Variants in TSPEAR observed in about 807,000 individuals in gnomAD.
TSPEAR encodes the protein thrombospondin-type laminin G domain and EAR repeat-containing protein.
A neutral mutation model predicts 71.6 loss-of-function variants in TSPEAR; 69 were observed. The observed-to-expected ratio is 0.96, with a 90% CI of 0.79 to 1.18. The LOEUF is 1.18. Among genes scored for constraint, TSPEAR ranks in the 50% most tolerant of loss-of-function variants. The probability of loss-of-function intolerance (pLI) is 0.00; values close to 1 mark genes in which losing one functional copy is unlikely to be tolerated. For missense variants in TSPEAR, 971 were observed against 894.9 expected (o/e 1.09, Z -1.09); for synonymous variants, 402 against 387.2 (o/e 1.04, Z -0.45).
At chr21:44,513,939 G>T (rs2052475781) in intron 9 of TSPEAR, among the ~76,000 whole-genome samples, 1 of 152,152 alleles carries the variant, frequency 6.6e-6, no homozygotes, top group Non-Finnish European at 1.5e-5. Context: ...GATGACAGGT[G>T]ACTCCCTTGA....
intron 1 of TSPEAR, among the ~76,000 whole-genome samples, chr21:44,649,311 G>A (rs906656719): frequency 6.6e-6 from 1 of 152,194 alleles, no homozygotes; most frequent in African/African-American, 2.4e-5. Flanking sequence ...GGTCTGTGGA[G>A]GAGGCCTTCT....
At chr21:44,580,832 G>T (rs1978924238) in intron 1 of TSPEAR, among the ~76,000 whole-genome samples, 1 of 152,088 alleles carries the variant, frequency 6.6e-6, no homozygotes, top group Non-Finnish European at 1.5e-5. Context: ...TTGTGTGTAT[G>T]TTGCAGGGCC....
intron 2 of TSPEAR, among the ~76,000 whole-genome samples, chr21:44,543,637 G>T (rs1345837368): frequency 6.6e-6 from 1 of 152,208 alleles, no homozygotes; most frequent in Non-Finnish European, 1.5e-5. Flanking sequence ...GGAGAAGGAA[G>T]TTCAGACATA....
intron 1 of TSPEAR, among the ~76,000 whole-genome samples, chr21:44,708,188 C>A (rs970301363): frequency 6.6e-6 from 1 of 152,140 alleles, no homozygotes; most frequent in African/African-American, 2.4e-5. Context: ...CCTCCCCCAG[C>A]CCCCAGCAGG....
chr21:44,556,087 AAGAAGTCGTGCCGGGCACGGTGG>A (rs1555919728), intron 2 of TSPEAR, among the ~76,000 whole-genome samples: 2 of 152,234 alleles, frequency 1.3e-5, no homozygotes, highest in African/African-American at 4.8e-5. Flanking sequence ...CTTAAGAATT[AAGAAGTCGTGCCGGGCACGGTGG>A]CTCACGCTTG....
chr21:44,515,732 G>A (rs1395284206), intron 9 of TSPEAR: 4 of 152,186 alleles, frequency 2.6e-5, no homozygotes, highest in Non-Finnish European at 4.4e-5. Context: ...CACATCACCC[G>A]TGACAGAAGC....
In TSPEAR at chr21:44,522,026, C is replaced by T. The variant is rs782056388; in HGVS notation, c.1423G>A (p.Gly475Ser). 3.9e-5 allele frequency: 63 copies of T among 1,614,114 alleles called. No individual in the cohort carries two copies. Among genetic ancestry groups the T allele is most frequent in the Middle Eastern group, 1.6e-4 (1 of 6,062 alleles). ...CTGAAGAACTCCCAGTCGTAGGCGC[C>T]GGAGGTGGCGATGGTCTGGTTGGCC... ...FEANQTIATS[G>S]AYDWEFFSVG... is the part of the protein sequence containing the mutation. Residue 475 changes from glycine to serine, a missense_variant, in exon 9 of 12, where the codon GGC (glycine) becomes AGC (serine). Transcript: ENST00000323084.
intron 1 of TSPEAR, among the ~76,000 whole-genome samples, chr21:44,585,483 C>T (rs1203627871): frequency 6.6e-6 from 1 of 152,124 alleles, no homozygotes; most frequent in African/African-American, 2.4e-5. Flanking sequence ...TTCTTGGCTT[C>T]TCTCCCCACT....
intron 1 of TSPEAR, chr21:44,579,727 A>C (rs781926044): frequency 1.9e-5 from 31 of 1,590,268 alleles, no homozygotes; most frequent in Admixed American, 6.8e-5. Context: ...GGGGATGTGC[A>C]CATCAGCAAC....
intron 1 of TSPEAR, among the ~76,000 whole-genome samples, chr21:44,610,063 G>C (rs1386075821): frequency 6.6e-6 from 1 of 152,226 alleles, no homozygotes; most frequent in Non-Finnish European, 1.5e-5. Flanking sequence ...GCATGCCAGA[G>C]AGAGGGGGGT....
intron 1 of TSPEAR, among the ~76,000 whole-genome samples, chr21:44,679,882 C>A (rs1986497472): frequency 1.3e-5 from 2 of 152,122 alleles, no homozygotes; most frequent in Non-Finnish European, 2.9e-5. Flanking sequence ...ATACAGAAAT[C>A]AACTCAAGAT....
At chr21:44,651,161 G>A (rs1984765490) in intron 1 of TSPEAR, among the ~76,000 whole-genome samples, 1 of 152,198 alleles carries the variant, frequency 6.6e-6, no homozygotes, top group African/African-American at 2.4e-5. Context: ...GCCACGAGCG[G>A]GAGAGTGAGG....
chr21:44,644,346 C>T (rs1984187225), intron 1 of TSPEAR, among the ~76,000 whole-genome samples: 1 of 152,212 alleles, frequency 6.6e-6, no homozygotes, highest in African/African-American at 2.4e-5. Flanking sequence ...GACTTCCTGG[C>T]TTTCCTATCA....
chr21:44,579,944 G>A (rs1291691761), intron 1 of TSPEAR: 1 of 1,614,030 alleles, frequency 6.2e-7, no homozygotes, highest in East Asian at 2.2e-5. Context: ...GCAGCAGGAG[G>A]TGGTGCAGCA....
In TSPEAR at chr21:44,504,946, C is replaced by T. The variant is rs116010830; in HGVS notation, c.1755-65G>A. 1,020 of 1,312,874 alleles carry T rather than the reference C, an allele frequency of 7.8e-4. 4 individuals are homozygous for T. The African/African-American group carries it at 0.014, about 18-fold the overall frequency. 81.3% of individuals were successfully genotyped at this position (1,312,874 alleles called of 1,614,324 possible). On this transcript the variant is annotated intron_variant, in intron 10 of 11. Transcript: ENST00000323084. ...ATCGCCAGGGAACTGGGGGATTGGC[C>T]AGAAGCTACCTCCAAAATTTATAGA...
intron 1 of TSPEAR, among the ~76,000 whole-genome samples, chr21:44,707,302 T>TGG (rs781918079): frequency 0.25 from 33,583 of 134,586 alleles, 4,726 homozygotes; most frequent in African/African-American, 0.3. Flanking sequence ...GGACGCGGGG[T>TGG]GGGGGGGGGT....
chr21:44,686,956 T>C (rs1169737652), intron 1 of TSPEAR, among the ~76,000 whole-genome samples: 1 of 152,188 alleles, frequency 6.6e-6, no homozygotes, highest in African/African-American at 2.4e-5. Flanking sequence ...AGCTTGACCC[T>C]GGGATGTCGG....
At chr21:44,509,678 G>T in intron 9 of TSPEAR, 1 of 369,302 alleles carries the variant, frequency 2.7e-6, no homozygotes, top group Non-Finnish European at 5.0e-6. Flanking sequence ...TGCCCGCTGT[G>T]CTCCAGGTGC....
At chr21:44,538,556 C>T (rs587711839) in intron 2 of TSPEAR, among the ~76,000 whole-genome samples, 11 of 151,064 alleles carry the variant, frequency 7.3e-5, no homozygotes, top group Admixed American at 1.3e-4. Context: ...GCAGCCCCTC[C>T]CTCTCCCCTC....
Sources: allele counts gnomAD v4.1 joint callset (sites outside exome capture counted in the v4.1 genomes callset), GRCh38; gene constraint gnomAD v4.1.1; transcripts MANE v1.5; gene names NCBI Gene and HGNC (gene_info 2026-07-23, HGNC 2026-07-21).